The following GPHN variants were observed in gnomAD, a reference collection of about 807,000 sequenced individuals.
GPHN encodes gephyrin.
A neutral mutation model predicts 95.5 loss-of-function variants in GPHN; 17 were observed. That is an observed-to-expected ratio of 0.18 (90% CI 0.12 to 0.27). GPHN has a LOEUF of 0.27. Among genes scored for constraint, GPHN ranks in the 10% least tolerant of loss-of-function variants. The pLI, the probability that GPHN is intolerant of heterozygous loss-of-function variation, is 1.00. For missense variants in GPHN, 660 were observed against 978.1 expected, an observed-to-expected ratio of 0.67 and a Z score of 4.34; for synonymous variants, 320 against 322.5, an observed-to-expected ratio of 0.99 and a Z score of 0.08.
the GPHN span, among the ~76,000 whole-genome samples, chr14:67,379,654 C>CTTTTTCTTT: frequency 8.3e-6 from 1 of 119,952 alleles, no homozygotes; most frequent in African/African-American, 3.6e-5. Flanking sequence ...TTTTCTTTTT[C>CTTTTTCTTT]TTTTTTTTTT....
chr14:67,033,193 A>G (rs113439348), intron 10 of GPHN, among the ~76,000 whole-genome samples: 1,700 of 152,316 alleles, frequency 0.011, 27 homozygotes, highest in African/African-American at 0.038. Flanking sequence ...GATCAACAGC[A>G]AAATTGGAAG....
At chr14:67,045,059 A>G (rs1188184508) in intron 10 of GPHN, among the ~76,000 whole-genome samples, 1 of 152,030 alleles carries the variant, frequency 6.6e-6, no homozygotes, top group African/African-American at 2.4e-5. Context: ...TAAAGACCCA[A>G]CCCTAAAATC....
chr14:66,906,597 G>C (rs999892705), intron 5 of GPHN, among the ~76,000 whole-genome samples: 7 of 152,032 alleles, frequency 4.6e-5, no homozygotes, highest in African/African-American at 1.5e-4. Flanking sequence ...TTGAGTTCTG[G>C]GATATTTCTA....
intron 11 of GPHN, among the ~76,000 whole-genome samples, chr14:67,077,463 CA>C (rs770178958): frequency 1.1e-4 from 16 of 152,230 alleles, no homozygotes; most frequent in Admixed American, 5.9e-4. Flanking sequence ...CATTGTAAAT[CA>C]AGAAACATCT....
chr14:67,687,322 C>T, the GPHN span, among the ~76,000 whole-genome samples: 2 of 152,142 alleles, frequency 1.3e-5, no homozygotes, highest in Non-Finnish European at 2.9e-5. Context: ...TTGGCATCTA[C>T]CTACCTCACC....
chr14:67,349,104 G>T, the GPHN span: 1 of 1,613,634 alleles, frequency 6.2e-7, no homozygotes, highest in Non-Finnish European at 8.5e-7. Context: ...TAACTGTAGT[G>T]CTGCAGAAAA....
the GPHN span, among the ~76,000 whole-genome samples, chr14:67,539,549 T>A: frequency 6.6e-6 from 1 of 152,202 alleles, no homozygotes; most frequent in Non-Finnish European, 1.5e-5. Context: ...TCAGAATATT[T>A]GAGCCCAAGA....
At chr14:67,427,331 A>G in the GPHN span, among the ~76,000 whole-genome samples, 6 of 152,150 alleles carry the variant, frequency 3.9e-5, no homozygotes, top group Admixed American at 3.9e-4. Flanking sequence ...CGCATAGTTG[A>G]GAAGGTCTCG....
intron 10 of GPHN, among the ~76,000 whole-genome samples, chr14:67,058,062 A>T (rs1313545814): frequency 6.6e-6 from 1 of 152,212 alleles, no homozygotes; most frequent in African/African-American, 2.4e-5. Context: ...GAGACCTATA[A>T]AGCTGAATAA....
intron 21 of GPHN, among the ~76,000 whole-genome samples, chr14:67,176,140 T>A (rs1477219421): frequency 6.6e-6 from 1 of 152,214 alleles, no homozygotes; most frequent in Non-Finnish European, 1.5e-5. Flanking sequence ...AGAGAGGGCA[T>A]CCTTGTCTTG....
chr14:67,428,847 T>G, the GPHN span, among the ~76,000 whole-genome samples: 2 of 152,202 alleles, frequency 1.3e-5, no homozygotes, highest in African/African-American at 4.8e-5. Context: ...GGGGGCCTGC[T>G]GGAGAGAGAA....
At chr14:67,619,895 A>G in the GPHN span, 1 of 947,356 alleles carries the variant, frequency 1.1e-6, no homozygotes, top group Non-Finnish European at 1.5e-6. Context: ...CGGGTAGGTA[A>G]GAGCAGCGGC....
intron 1 of GPHN, among the ~76,000 whole-genome samples, chr14:66,621,713 C>T (rs2153317755): frequency 6.6e-6 from 1 of 152,348 alleles, no homozygotes; most frequent in East Asian, 1.9e-4. Flanking sequence ...TGAGCCACCG[C>T]ACCCAGCCGG....
chr14:66,523,446 T>C (rs547794332), intron 1 of GPHN, among the ~76,000 whole-genome samples: 2 of 152,202 alleles, frequency 1.3e-5, no homozygotes, highest in Admixed American at 6.5e-5. Flanking sequence ...CCCTCCAAAA[T>C]AGTTATTATT....
At chr14:67,702,761 T>C in the GPHN span, among the ~76,000 whole-genome samples, 2 of 152,340 alleles carry the variant, frequency 1.3e-5, no homozygotes, top group African/African-American at 4.8e-5. Context: ...TGTATATATG[T>C]AAACACATCT....
At chr14:66,908,869 C>G (rs1464071006) in intron 5 of GPHN, among the ~76,000 whole-genome samples, 1 of 150,012 alleles carries the variant, frequency 6.7e-6, no homozygotes. Flanking sequence ...AACTGACCAG[C>G]ACTTACCAAA....
At chr14:66,590,331 G>C (rs966388820) in intron 1 of GPHN, among the ~76,000 whole-genome samples, 4 of 149,022 alleles carry the variant, frequency 2.7e-5, no homozygotes, top group African/African-American at 9.7e-5. Flanking sequence ...ATGAGAGCTA[G>C]AGACACAAAA....
rs375427677 is a variant in GPHN at position 66,739,243 on chromosome 14, G to A, written c.144-37221G>A. 5.1e-4 allele frequency among the ~76,000 whole-genome samples: 70 copies of A among 137,914 alleles called. No homozygotes were observed. The East Asian group carries it at 8.7e-3, about 17-fold the overall frequency. The allele number at this position is 137,914 out of a possible 152,430, so 90.5% of individuals were successfully genotyped here. ...CTTTTTTTTTTTTTTTTGAGACAGA[G>A]TCTCGCTCTGTCACCCAGGCTGGAG... On this transcript the variant is annotated intron_variant, in intron 2 of 22. Coordinates refer to ENST00000478722, the MANE Select transcript of GPHN (RefSeq NM_020806.5).
the GPHN span, among the ~76,000 whole-genome samples, chr14:67,609,278 A>G: frequency 6.6e-6 from 1 of 152,180 alleles, no homozygotes; most frequent in Non-Finnish European, 1.5e-5. Flanking sequence ...ACTTACGCTT[A>G]CTGGTTTATT....
Sources: gnomAD v4.1 joint callset for allele counts (sites outside exome capture counted in the v4.1 genomes callset) on GRCh38, gnomAD v4.1.1 for gene constraint, MANE v1.5 for transcripts, NCBI Gene and HGNC (gene_info 2026-07-23, HGNC 2026-07-21) for gene names.